Variants in LAMA1 observed in about 807,000 individuals in gnomAD.
The protein encoded by LAMA1 is laminin subunit alpha-1.
In LAMA1, 219 loss-of-function variants were observed where a neutral mutation model predicts 348.7. The observed-to-expected ratio is 0.63, with a 90% confidence interval of 0.56 to 0.70. The LOEUF (loss-of-function observed/expected upper bound fraction) is 0.70, where lower values mean the gene tolerates loss of function less well. Ranked by LOEUF, LAMA1 falls within the 30% of genes least tolerant of loss-of-function variation. The pLI is 0.00. For synonymous variants in LAMA1, 1,487 were observed against 1,491.0 expected (o/e 1.00, Z 0.06); for missense variants, 3,744 against 3,888.0 (o/e 0.96, Z 0.99).
intron 1 of LAMA1, among the ~76,000 whole-genome samples, chr18:7,088,529 T>C (rs1331849103): frequency 6.6e-6 from 1 of 151,920 alleles, no homozygotes; most frequent in Non-Finnish European, 1.5e-5. Flanking sequence ...TATTATTTTA[T>C]TTTTTGGAGA....
chr18:6,957,047 C>T (rs1038224305), intron 55 of LAMA1: 4 of 410,754 alleles, frequency 9.7e-6, no homozygotes, highest in African/African-American at 6.1e-5. Flanking sequence ...CCGATGCCAT[C>T]GCCTCCTCCT....
intron 58 of LAMA1, 38 bp from the exon 59 acceptor site, chr18:6,949,297 T>C: frequency 6.2e-7 from 1 of 1,608,276 alleles, no homozygotes. Flanking sequence ...TTTTGAGGAA[T>C]CTGAAAAAAC....
chr18:7,056,564 G>T (rs1389906470), intron 3 of LAMA1, among the ~76,000 whole-genome samples: 1 of 152,148 alleles, frequency 6.6e-6, no homozygotes, highest in African/African-American at 2.4e-5. Context: ...AAGAAACCAG[G>T]TGGTGTCAAC....
chr18:6,974,953 A>C lies in LAMA1; in HGVS notation c.6573T>G (p.Phe2191Leu), dbSNP rs1045814058. Residue 2191 changes from phenylalanine to leucine, a missense_variant, in exon 46 of 63, where the codon TTT (phenylalanine) becomes TTG (leucine). Phe to Leu is a conservative substitution (Grantham distance 22). Around this residue, in one of 3 missense-constraint regions of LAMA1, gnomAD observed 1,983 missense variants for 1,934.3 expected, o/e 1.03. Transcript: ENST00000389658. ...DLGSGSTRLE[F>L]PDFPIDDNRW... is the part of the protein sequence containing the mutation. ...TGTTGTCATCAATGGGAAAGTCTGGAAACTCCAAGCGTGTGGACCCGGAGC... is the reference window on the plus strand; with the variant it reads ...TGTTGTCATCAATGGGAAAGTCTGGCAACTCCAAGCGTGTGGACCCGGAGC... 2.5e-6 allele frequency: 4 copies of C among 1,613,978 alleles called. No individual in the cohort carries two copies. In the African/African-American group the frequency reaches 5.3e-5, roughly 22 times the overall value.
intron 48 of LAMA1, among the ~76,000 whole-genome samples, chr18:6,971,432 C>T (rs2057657778): frequency 6.6e-6 from 1 of 151,988 alleles, no homozygotes; most frequent in African/African-American, 2.4e-5. Flanking sequence ...TAAAAATGTA[C>T]AGTGATTTAT....
intron 3 of LAMA1, among the ~76,000 whole-genome samples, chr18:7,059,143 G>C (rs79741904): frequency 0.026 from 3,929 of 152,230 alleles, 154 homozygotes; most frequent in East Asian, 0.2. Context: ...ACCTGCCTCG[G>C]CCTCCCAAAG....
intron 10 of LAMA1, among the ~76,000 whole-genome samples, chr18:7,039,613 A>ACT (rs1343334012): frequency 1.3e-5 from 2 of 152,210 alleles, no homozygotes; most frequent in African/African-American, 4.8e-5. Context: ...CAACTACTCA[A>ACT]CTCAGCCTTT....
chr18:7,059,130 T>A (rs1421334486), intron 3 of LAMA1, among the ~76,000 whole-genome samples: 2 of 152,232 alleles, frequency 1.3e-5, no homozygotes, highest in South Asian at 4.1e-4. Flanking sequence ...CCTCAGGTGA[T>A]CCACCTGCCT....
intron 29 of LAMA1, among the ~76,000 whole-genome samples, chr18:7,004,764 G>A (rs1408307914): frequency 2.0e-5 from 3 of 152,174 alleles, no homozygotes; most frequent in Non-Finnish European, 4.4e-5. Context: ...AAGCACAGGG[G>A]GAGTGCTTAG....
rs369047480 is a variant in LAMA1, at chr18:6,950,873, T to C, written c.8306A>G (p.His2769Arg). ...NQADYAVLQL[H>R]GGRLHFMFDL... ...AAACATGAAGTGGAGGCGGCCCCCGTGCAGCTGGAGCACAGCGTAGTCTGC... is the reference window on the plus strand; with the variant it reads ...AAACATGAAGTGGAGGCGGCCCCCGCGCAGCTGGAGCACAGCGTAGTCTGC... The change falls in exon 58 of 63, where the codon CAC becomes CGC. Residue 2769 changes from histidine to arginine, a missense_variant. By Grantham distance (29) the His-to-Arg change is conservative. Coordinates refer to ENST00000389658, the MANE Select transcript of LAMA1 (RefSeq NM_005559.4). 5 of 1,614,060 alleles carry C rather than the reference T, an allele frequency of 3.1e-6. No individual in the cohort carries two copies. In the African/African-American group the frequency reaches 5.3e-5, roughly 17 times the overall value.
intron 1 of LAMA1, among the ~76,000 whole-genome samples, chr18:7,085,410 CTTCTTTT>C (rs1424724367): frequency 1.4e-4 from 18 of 128,250 alleles, no homozygotes; most frequent in African/African-American, 5.5e-4. Context: ...TCTTCTTCTT[CTTCTTTT>C]TTTTTTTTTT....
intron 10 of LAMA1, among the ~76,000 whole-genome samples, chr18:7,039,725 C>A (rs992657884): frequency 1.3e-5 from 2 of 151,916 alleles, no homozygotes; most frequent in African/African-American, 4.8e-5. Flanking sequence ...ATTTGGCCCA[C>A]GAGCCATAGT....
intron 28 of LAMA1, among the ~76,000 whole-genome samples, chr18:7,007,613 T>C (rs2057838555): frequency 1.3e-5 from 2 of 152,144 alleles, no homozygotes; most frequent in Non-Finnish European, 2.9e-5. Flanking sequence ...ACCATATGAT[T>C]CTGCAAGTCC....
intron 36 of LAMA1, among the ~76,000 whole-genome samples, chr18:6,987,419 T>C: frequency 6.6e-6 from 1 of 152,218 alleles, no homozygotes; most frequent in South Asian, 2.1e-4. Flanking sequence ...ATAAAAGCTT[T>C]CAAATTCAAA....
intron 1 of LAMA1, among the ~76,000 whole-genome samples, chr18:7,088,067 A>G (rs1020658580): frequency 2.6e-5 from 4 of 152,220 alleles, no homozygotes; most frequent in African/African-American, 9.6e-5. Context: ...TTTAGGGGCC[A>G]CTGGGTATGA....
rs530633114 is a variant in LAMA1, at chr18:7,072,490, A to G, written c.345+7485T>C. 2.6e-5 allele frequency among the ~76,000 whole-genome samples: 4 copies of G among 152,302 alleles called. No individual in the cohort carries two copies. In the South Asian group the frequency reaches 8.3e-4, roughly 32 times the overall value. ...TGTATTTCCTCCATCCCTGTCCTGAAGGTCCCAGGACCAAGCTGGTGCCCT... is the reference window on the plus strand; with the variant it reads ...TGTATTTCCTCCATCCCTGTCCTGAGGGTCCCAGGACCAAGCTGGTGCCCT... On this transcript the variant is annotated intron_variant, in intron 3 of 62. Coordinates refer to ENST00000389658, the MANE Select transcript of LAMA1 (RefSeq NM_005559.4).
rs1412851127 is a variant in LAMA1 at position 6,959,524 on chromosome 18, A to C, written c.7627-32T>G. 1.9e-6 allele frequency: 3 copies of C among 1,612,470 alleles called. No homozygotes were observed. In the African/African-American group the frequency reaches 4.0e-5, roughly 22 times the overall value. On this transcript the variant is annotated intron_variant, in intron 53 of 62. Transcript: ENST00000389658. Reference sequence around the variant, plus strand: ...AGGTTGCATAGAGAATTTCCCAGACAAAACACATTACTATATGATTTAGAA... The same window carrying C: ...AGGTTGCATAGAGAATTTCCCAGACCAAACACATTACTATATGATTTAGAA...
chr18:6,963,637 G>A (rs1182550069), intron 51 of LAMA1, among the ~76,000 whole-genome samples: 1 of 152,168 alleles, frequency 6.6e-6, no homozygotes, highest in Non-Finnish European at 1.5e-5. Context: ...TAAAGATAGA[G>A]CACTGCTACA....
chr18:7,006,217 C>A (rs906232546), intron 29 of LAMA1, among the ~76,000 whole-genome samples: 1 of 152,116 alleles, frequency 6.6e-6, no homozygotes, highest in African/African-American at 2.4e-5. Context: ...TCGGTCAGGG[C>A]TGCGAGGCTT....
Sources: gnomAD v4.1 joint callset for allele counts (sites outside exome capture counted in the v4.1 genomes callset) on GRCh38, gnomAD v4.1.1 for gene constraint, gnomAD v4.1.1 regional missense constraint, MANE v1.5 for transcripts, NCBI Gene and HGNC (gene_info 2026-07-23, HGNC 2026-07-21) for gene names.